The following DPF1 variants were observed in gnomAD, a reference collection of about 807,000 sequenced individuals.
The protein encoded by DPF1 is double PHD fingers 1, also known as zinc finger protein neuro-d4.
In DPF1, 14 loss-of-function variants were observed where a neutral mutation model predicts 58.7. That is an observed-to-expected ratio of 0.24 (90% confidence interval 0.16 to 0.37). The LOEUF is 0.37. Ranked by LOEUF, DPF1 falls within the 10% of genes least tolerant of loss-of-function variation. The pLI, the probability that DPF1 is intolerant of heterozygous loss-of-function variation, is 1.00. For missense variants in DPF1, 345 were observed against 529.9 expected, an observed-to-expected ratio of 0.65 and a Z score of 3.43; for synonymous variants, 216 against 216.0, an observed-to-expected ratio of 1.00 and a Z score of 0.00.
At position 38,222,125 on chromosome 19, in the gene DPF1, A is replaced by AAATAAATT. The variant is rs898978822; in HGVS notation, c.298+231_298+232insAATTTATT. 3.9e-5 allele frequency among the ~76,000 whole-genome samples: 6 copies of AAATAAATT among 152,000 alleles called. No homozygotes were observed. The highest frequency in any genetic ancestry group is 1.3e-4 in the Admixed American group (2 of 15,268). On this transcript the variant is annotated intron_variant, in intron 3 of 11. Transcript: ENST00000355526. This position sits in a 1 kb window ranked among gnomAD's most constrained non-coding sequence, Gnocchi z 4.9. The stretch of plus-strand genomic sequence containing the variant: ...AAAATAAATAAATAAATAAATAAAT[A>AAATAAATT]AATAAATAACAACAACTGGGCACCT...
At chr19:38,226,458 CAA>C (rs960507611), upstream of DPF1, among the ~76,000 whole-genome samples, 110 of 149,604 alleles carry the variant, frequency 7.4e-4, 1 homozygote, top group African/African-American at 2.1e-3. Flanking sequence ...GAAATCCCCC[CAA>C]GAGAGAGATC....
chr19:38,214,082 C>T (rs952074839), intron 9 of DPF1: 12 of 261,290 alleles, frequency 4.6e-5, no homozygotes, highest in Admixed American at 2.4e-4. Context: ...TGTTAACCAC[C>T]GTGCTGAGAC....
rs755371004 is a variant in DPF1 at position 38,217,532 on chromosome 19, G to A, written c.655C>T (p.Leu219=). ...GLSYHYTHTH[L]AEEEGEENAE... is the part of the protein sequence containing the mutation. ...TTCTCCTCCCCCTCCTCCTCGGCCA[G>A]GTGGGTGTGGGTGTAGTGGTAGCTG... is the stretch of plus-strand genomic sequence containing the variant. Residue 219 remains leucine, a synonymous_variant, in exon 7 of 12, where the codon CTG becomes TTG. Coordinates refer to ENST00000355526, the MANE Select transcript of DPF1 (RefSeq NM_001135155.3). The A allele has an allele frequency of 1.6e-5, 25 of 1,551,612 alleles. No homozygotes were observed. The East Asian group carries it at 5.1e-4, about 32-fold the overall frequency.
chr19:38,211,249 G>A lies in DPF1; in HGVS notation c.*814C>T, dbSNP rs1395510565. On this transcript the variant is annotated 3_prime_UTR_variant, in exon 12 of 12. Transcript: ENST00000355526. This position sits in a 1 kb window ranked among gnomAD's most constrained non-coding sequence, Gnocchi z 4.0. ...CACTCCCCCAAAATGGCCAGCGAGG[G>A]GGGCGGGGGCCGCCAGGCCTGGCGG... is the stretch of plus-strand genomic sequence containing the variant. 1 of 152,276 alleles carries A rather than the reference G, an allele frequency of 6.6e-6. No homozygotes were observed. The highest frequency in any genetic ancestry group is 1.5e-5 in the Non-Finnish European group (1 of 68,100). 9.4% of individuals were successfully genotyped at this position (152,276 alleles called of 1,614,324 possible).
chr19:38,229,096 G>A (rs562912629), upstream of DPF1, among the ~76,000 whole-genome samples: 1 of 152,168 alleles, frequency 6.6e-6, no homozygotes, highest in Admixed American at 6.5e-5. This position sits in a 1 kb window ranked among gnomAD's most constrained non-coding sequence, Gnocchi z 5.3. Flanking sequence ...CGCGAGGGCC[G>A]GGGTCCTCAG....
intron 3 of DPF1, among the ~76,000 whole-genome samples, chr19:38,221,925 T>C (rs533375362): frequency 8.2e-4 from 125 of 151,702 alleles, no homozygotes; most frequent in Non-Finnish European, 1.6e-3. Context: ...CTACTAAAAA[T>C]ACAAAATCAG....
Position 38,224,176 on chromosome 19 carries a change from C to G in DPF1, c.-34G>C. 1 of 1,432,946 alleles carries G rather than the reference C, an allele frequency of 7.0e-7. No individual in the cohort carries two copies. The highest frequency in any genetic ancestry group is 9.1e-7 in the Non-Finnish European group (1 of 1,094,506). 88.8% of individuals were successfully genotyped at this position (1,432,946 alleles called of 1,614,324 possible). A position where few individuals can be genotyped will look rare whatever the true frequency, so the allele number is the denominator to read the frequency against. On this transcript the variant is annotated 5_prime_UTR_variant, in exon 1 of 12. Transcript: ENST00000355526. This position sits in a 1 kb window ranked among gnomAD's most constrained non-coding sequence, Gnocchi z 4.5. Reference sequence around the variant, plus strand: ...CCGGGTCCTGCCCCCAGCAGGTCCCCGCCGGGTCGGTCCTCCCAGCGGTCG... The same window carrying G: ...CCGGGTCCTGCCCCCAGCAGGTCCCGGCCGGGTCGGTCCTCCCAGCGGTCG...
At position 38,222,327 on chromosome 19, in the gene DPF1, A is replaced by G. The variant is rs1409689589; in HGVS notation, c.298+30T>C. The G allele has an allele frequency of 3.9e-6, 6 of 1,553,492 alleles. No homozygotes were observed. Among genetic ancestry groups the G allele is most frequent in the Non-Finnish European group, 4.4e-6 (5 of 1,145,812 alleles). On this transcript the variant is annotated intron_variant, in intron 3 of 11. Coordinates refer to ENST00000355526, the MANE Select transcript of DPF1 (RefSeq NM_001135155.3). This position sits in a 1 kb window ranked among gnomAD's most constrained non-coding sequence, Gnocchi z 4.9. ...TAGGACACACAGCAGGCGCTGGGAC[A>G]CCGATGGGGGCCCCAGCGGCTGCAC...
chr19:38,214,483 A>G (rs750688059), intron 9 of DPF1, among the ~76,000 whole-genome samples: 6 of 152,014 alleles, frequency 3.9e-5, no homozygotes, highest in Non-Finnish European at 7.4e-5. Flanking sequence ...TTCATGACCT[A>G]CTGTGCTGAG....
chr19:38,222,726 G>C lies in DPF1; in HGVS notation c.30-18C>G. On this transcript the variant is annotated intron_variant, in intron 1 of 11. Transcript: ENST00000355526. The surrounding 1 kb of genome is among the most constrained non-coding windows in gnomAD (Gnocchi z 4.9). ...CGCCTAGGCTAGAGGGGCGGCGAAC[G>C]GGCGGGCGGCTGTCAGCAAGGGCAG... is the stretch of plus-strand genomic sequence containing the variant. 2 of 1,567,232 alleles carry C rather than the reference G, an allele frequency of 1.3e-6. No individual in the cohort carries two copies. The highest frequency in any genetic ancestry group is 2.3e-5 in the South Asian group (2 of 86,214).
chr19:38,223,738 C>T (rs1475151863), intron 1 of DPF1: 1 of 184,060 alleles, frequency 5.4e-6, no homozygotes, highest in Non-Finnish European at 1.1e-5. Flanking sequence ...AACCAGAACA[C>T]AAATAAGTGA....
At chr19:38,223,953 G>C in intron 1 of DPF1, 161 bp downstream of exon 1, 3 of 983,334 alleles carry the variant, frequency 3.1e-6, no homozygotes, top group African/African-American at 1.7e-5. Flanking sequence ...CACCATTCTT[G>C]TCAGAGACCC....
At chr19:38,228,372 G>A (rs1221906216), upstream of DPF1, among the ~76,000 whole-genome samples, 1 of 151,658 alleles carries the variant, frequency 6.6e-6, no homozygotes, top group Non-Finnish European at 1.5e-5. Context: ...GGGGTAGGGG[G>A]GCGCTCCCTC....
chr19:38,228,470 G>A (rs901138596), upstream of DPF1, among the ~76,000 whole-genome samples: 3 of 151,992 alleles, frequency 2.0e-5, no homozygotes, highest in South Asian at 6.2e-4. Context: ...TGGGGGAAGG[G>A]TGGGGGAGGT....
intron 7 of DPF1, 81 bp from the exon 8 acceptor site, chr19:38,216,484 A>G: frequency 6.8e-7 from 1 of 1,472,184 alleles, no homozygotes; most frequent in Non-Finnish European, 9.0e-7. Context: ...CCAAGGATGG[A>G]CCTCTTAGTC....
intron 9 of DPF1, among the ~76,000 whole-genome samples, chr19:38,214,318 C>A (rs1005116044): frequency 6.6e-6 from 1 of 152,222 alleles, no homozygotes; most frequent in Non-Finnish European, 1.5e-5. Flanking sequence ...TTCCACAGCC[C>A]CGCTGCAGAG....
Position 38,224,093 on chromosome 19 carries a change from C to A in DPF1, c.29+21G>T, listed in dbSNP as rs764712264. Reference sequence around the variant, plus strand: ...TAGACCCGCCCGCGCTTCCTCTCCGCCTCCCGCCGGCCCGCACCACCTCAG... The same window carrying A: ...TAGACCCGCCCGCGCTTCCTCTCCGACTCCCGCCGGCCCGCACCACCTCAG... On this transcript the variant is annotated intron_variant, in intron 1 of 11. Transcript: ENST00000355526. The surrounding 1 kb of genome is among the most constrained non-coding windows in gnomAD (Gnocchi z 4.5). The A allele has an allele frequency of 6.7e-7, 1 of 1,501,444 alleles. No homozygotes were observed. Among genetic ancestry groups the A allele is most frequent in the Admixed American group, 2.6e-5 (1 of 38,026 alleles). 93.0% of individuals were successfully genotyped at this position (1,501,444 alleles called of 1,614,324 possible).
chr19:38,213,546 C>T, intron 10 of DPF1, 98 bp downstream of exon 10: 2 of 1,029,520 alleles, frequency 1.9e-6, no homozygotes, highest in Non-Finnish European at 3.0e-6. Flanking sequence ...TGGTGTTCAC[C>T]AGGGAAGGCT....
At chr19:38,212,237 T>TGGGGGGGGGGGCCG in intron 11 of DPF1, 43 bp downstream of exon 11, 1 of 1,256,814 alleles carries the variant, frequency 8.0e-7, no homozygotes, top group Non-Finnish European at 1.1e-6. Flanking sequence ...GGAGATGGCG[T>TGGGGGGGGGGGCCG]TCCCACCCAC....
Sources: gnomAD v4.1 joint callset for allele counts (sites outside exome capture counted in the v4.1 genomes callset) on GRCh38, gnomAD v4.1.1 for gene constraint, Gnocchi (gnomAD v3.1) non-coding constraint, MANE v1.5 for transcripts, NCBI Gene and HGNC (gene_info 2026-07-23, HGNC 2026-07-21) for gene names.